Variants in GABRA2 observed in about 807,000 individuals in gnomAD.
The protein encoded by GABRA2 is gamma-aminobutyric acid receptor subunit alpha-2.
GABRA2 carries 16 observed loss-of-function variants against 48.7 expected under a neutral mutation model. The ratio of observed to expected loss-of-function variants is 0.33; its 90% CI spans 0.22 to 0.50. The LOEUF (loss-of-function observed/expected upper bound fraction) is 0.50. GABRA2 is among the 20% of genes least tolerant of loss of function. GABRA2 has a pLI of 0.98. For missense variants in GABRA2, 275 were observed against 535.6 expected (o/e 0.51, Z 4.80); for synonymous variants, 185 against 184.5 (o/e 1.00, Z -0.02).
chr4:46,339,457 T>C (rs1732834832), intron 3 of GABRA2, among the ~76,000 whole-genome samples: 2 of 151,870 alleles, frequency 1.3e-5, no homozygotes, highest in Non-Finnish European at 3.0e-5. Context: ...TGACATAGTA[T>C]ATGTTCTTAA....
chr4:46,348,827 A>G (rs1435583591), intron 3 of GABRA2, among the ~76,000 whole-genome samples: 3 of 151,270 alleles, frequency 2.0e-5, no homozygotes, highest in Non-Finnish European at 4.4e-5. Context: ...CTAATGCTGA[A>G]TGACGAGTTA....
intron 4 of GABRA2, among the ~76,000 whole-genome samples, chr4:46,323,404 CT>C (rs3836615): frequency 0.52 from 79,171 of 151,604 alleles, 21,559 homozygotes; most frequent in African/African-American, 0.68. Context: ...TCTCAGATAT[CT>C]TTTTTTTCCC....
At chr4:46,387,306 T>C (rs180973207) in intron 2 of GABRA2, among the ~76,000 whole-genome samples, 1 of 152,316 alleles carries the variant, frequency 6.6e-6, no homozygotes, top group Admixed American at 6.5e-5. Flanking sequence ...AAAGACAATA[T>C]GTAATTACAT....
chr4:46,349,743 T>A (rs1029041005), intron 3 of GABRA2, among the ~76,000 whole-genome samples: 1 of 151,942 alleles, frequency 6.6e-6, no homozygotes, highest in Non-Finnish European at 1.5e-5. Flanking sequence ...ATATTCTAAT[T>A]TGGTGATAGT....
rs1713224154 is a variant in GABRA2 at position 46,243,907 on chromosome 4, C to A, written c.*6401G>T. ...CCTTTTATTTTCTATTCAAATGTAG[C>A]AATAAGTATGACATTTTTTAAAGTT... On this transcript the variant is annotated 3_prime_UTR_variant, in exon 10 of 10. Coordinates refer to ENST00000381620, the MANE Select transcript of GABRA2 (RefSeq NM_000807.4). 6.6e-6 allele frequency: 1 copy of A among 151,478 alleles called. No homozygotes were observed. Among genetic ancestry groups the A allele is most frequent in the South Asian group, 2.1e-4 (1 of 4,814 alleles). The allele number at this position is 151,478 out of a possible 1,614,324, so 9.4% of individuals were successfully genotyped here.
At chr4:46,326,498 CTT>C (rs397938834) in intron 4 of GABRA2, among the ~76,000 whole-genome samples, 65 of 136,858 alleles carry the variant, frequency 4.7e-4, no homozygotes, top group Admixed American at 8.1e-4. Context: ...TGGTCTCTGC[CTT>C]TTTTTTTTTT....
At chr4:46,298,687 A>G (rs2109591881) in intron 8 of GABRA2, among the ~76,000 whole-genome samples, 1 of 152,134 alleles carries the variant, frequency 6.6e-6, no homozygotes, top group East Asian at 1.9e-4. Context: ...TGCATGTATG[A>G]AAAATTACCA....
At chr4:46,345,742 C>T (rs561796467) in intron 3 of GABRA2, among the ~76,000 whole-genome samples, 1 of 151,974 alleles carries the variant, frequency 6.6e-6, no homozygotes, top group South Asian at 2.1e-4. Flanking sequence ...TTAGAGTCTG[C>T]TTCTGGGGAA....
intron 9 of GABRA2, among the ~76,000 whole-genome samples, chr4:46,256,997 C>G (rs2109330848): frequency 6.6e-6 from 1 of 151,608 alleles, no homozygotes; most frequent in South Asian, 2.1e-4. Context: ...AAAGCAATCT[C>G]AAGGAATTAA....
chr4:46,280,036 G>A (rs1318226960), intron 8 of GABRA2, among the ~76,000 whole-genome samples: 2 of 151,354 alleles, frequency 1.3e-5, no homozygotes, highest in Non-Finnish European at 2.9e-5. Context: ...ATTCTTCTAG[G>A]CTTACAAGTT....
intron 9 of GABRA2, among the ~76,000 whole-genome samples, chr4:46,260,280 T>C (rs1270032323): frequency 3.9e-5 from 6 of 151,904 alleles, no homozygotes; most frequent in Non-Finnish European, 8.8e-5. Flanking sequence ...TTAATTCTTT[T>C]CCTGAAAATT....
intron 3 of GABRA2, among the ~76,000 whole-genome samples, chr4:46,336,325 G>A (rs34795098): frequency 0.025 from 3,847 of 152,266 alleles, 60 homozygotes; most frequent in South Asian, 0.041. Context: ...GGCAGGTTGA[G>A]AGTATAAGTA....
intron 6 of GABRA2, among the ~76,000 whole-genome samples, 180 bp from the exon 7 acceptor site, chr4:46,305,891 A>G (rs186545971): frequency 6.6e-6 from 1 of 152,308 alleles, no homozygotes; most frequent in East Asian, 1.9e-4. Context: ...TATGAAGTAG[A>G]CCAAAAGAGA....
chr4:46,280,823 T>TG, intron 8 of GABRA2, among the ~76,000 whole-genome samples: 1 of 152,244 alleles, frequency 6.6e-6, no homozygotes, highest in African/African-American at 2.4e-5. Flanking sequence ...CTGATCAAAA[T>TG]GGGATTAGTG....
At chr4:46,288,275 A>G (rs1426556637) in intron 8 of GABRA2, among the ~76,000 whole-genome samples, 1 of 152,190 alleles carries the variant, frequency 6.6e-6, no homozygotes, top group African/African-American at 2.4e-5. Context: ...TTGTTGGGGT[A>G]TAGAAATGTT....
At position 46,243,715 on chromosome 4, in the gene GABRA2, C is replaced by A. The variant is rs940423394; in HGVS notation, c.*6593G>T. 1 of 151,316 alleles carries A rather than the reference C, an allele frequency of 6.6e-6. No homozygotes were observed. The highest frequency in any genetic ancestry group is 2.4e-5 in the African/African-American group (1 of 41,340). 9.4% of individuals were successfully genotyped at this position (151,316 alleles called of 1,614,324 possible). ...AAGGTCACAATTACAAATATTAGTTCTTGAGTTATTTTCATGAACCAGAAA... is the reference window on the plus strand; with the variant it reads ...AAGGTCACAATTACAAATATTAGTTATTGAGTTATTTTCATGAACCAGAAA... On this transcript the variant is annotated 3_prime_UTR_variant, in exon 10 of 10. Transcript: ENST00000381620.
chr4:46,387,330 C>T (rs1388209205), intron 2 of GABRA2, among the ~76,000 whole-genome samples: 1 of 152,076 alleles, frequency 6.6e-6, no homozygotes, highest in East Asian at 1.9e-4. Context: ...GATCAAGGTG[C>T]ATTGTATAAA....
At chr4:46,367,414 C>T (rs1337486993) in intron 3 of GABRA2, 3 of 152,064 alleles carry the variant, frequency 2.0e-5, no homozygotes, top group Admixed American at 1.3e-4. Flanking sequence ...TGGTCTCTTC[C>T]TCACCTATCT....
chr4:46,291,073 A>G (rs1164827095), intron 8 of GABRA2, among the ~76,000 whole-genome samples: 1 of 152,262 alleles, frequency 6.6e-6, no homozygotes, highest in African/African-American at 2.4e-5. Context: ...TGTTTTTGGT[A>G]TGATGGTAAC....
Sources: gnomAD v4.1 joint callset for allele counts (sites outside exome capture counted in the v4.1 genomes callset) on GRCh38, gnomAD v4.1.1 for gene constraint, MANE v1.5 for transcripts, NCBI Gene and HGNC (gene_info 2026-07-23, HGNC 2026-07-21) for gene names.